The following LOC128462377 variants were observed in gnomAD, a reference collection of about 807,000 sequenced individuals.
At chr16:89,325,796 C>G in the LOC128462377 span, among the ~76,000 whole-genome samples, 1 of 152,202 alleles carries the variant, frequency 6.6e-6, no homozygotes, top group East Asian at 1.9e-4. Flanking sequence ...TGCAAGGCCT[C>G]AGAGGTGTCA....
At chr16:89,376,693 C>T in the LOC128462377 span, among the ~76,000 whole-genome samples, 2 of 152,328 alleles carry the variant, frequency 1.3e-5, no homozygotes, top group African/African-American at 4.8e-5. Flanking sequence ...CCCACCTTGG[C>T]CTCCCTAAGT....
At chr16:89,393,298 T>A in the LOC128462377 span, among the ~76,000 whole-genome samples, 5 of 151,720 alleles carry the variant, frequency 3.3e-5, no homozygotes, top group African/African-American at 1.2e-4. Flanking sequence ...CTCTTTTTTT[T>A]ACTTTTTTTA....
the LOC128462377 span, among the ~76,000 whole-genome samples, chr16:89,337,340 C>A: frequency 6.6e-6 from 1 of 150,766 alleles, no homozygotes; most frequent in African/African-American, 2.4e-5. Context: ...CAGCTGAGCA[C>A]TGGGTCTCAT....
chr16:89,349,561 T>A, the LOC128462377 span, among the ~76,000 whole-genome samples: 6 of 152,216 alleles, frequency 3.9e-5, 1 homozygote. Context: ...GGCAAAATAA[T>A]CTTTTCCACA....
chr16:89,324,332 C>A, the LOC128462377 span: 270 of 1,199,336 alleles, frequency 2.3e-4, no homozygotes, highest in Non-Finnish European at 2.8e-4. Context: ...GTCGGGGCGA[C>A]GTGGGTGCCT....
chr16:89,397,739 A>G, the LOC128462377 span, among the ~76,000 whole-genome samples: 12 of 152,360 alleles, frequency 7.9e-5, no homozygotes, highest in Non-Finnish European at 1.2e-4. Context: ...ATGATGCAGA[A>G]GCCTCTCCTC....
chr16:89,320,129 T>G, the LOC128462377 span: 1 of 152,366 alleles, frequency 6.6e-6, no homozygotes, highest in East Asian at 1.9e-4. Flanking sequence ...GCTGTGATGA[T>G]GTCCCCAGGC....
chr16:89,323,429 C>A, the LOC128462377 span: 2 of 935,352 alleles, frequency 2.1e-6, no homozygotes, highest in Admixed American at 2.5e-5. Flanking sequence ...GAGCCGAGGG[C>A]AGGGGGGCTG....
the LOC128462377 span, among the ~76,000 whole-genome samples, chr16:89,326,819 C>A: frequency 6.6e-6 from 1 of 152,232 alleles, no homozygotes; most frequent in Non-Finnish European, 1.5e-5. Flanking sequence ...TGCCCCAAAG[C>A]ATCTCCTAAG....
At chr16:89,377,131 G>A in the LOC128462377 span, among the ~76,000 whole-genome samples, 1 of 152,184 alleles carries the variant, frequency 6.6e-6, no homozygotes, top group African/African-American at 2.4e-5. Context: ...CCAGAACCCC[G>A]TGAGTTCAAC....
the LOC128462377 span, chr16:89,324,200 G>A: frequency 1.0e-5 from 12 of 1,178,124 alleles, no homozygotes; most frequent in South Asian, 4.8e-5. Flanking sequence ...CACCGAGAGC[G>A]CGTTCAGCAT....
the LOC128462377 span, among the ~76,000 whole-genome samples, chr16:89,348,013 A>T: frequency 3.3e-5 from 5 of 151,710 alleles, no homozygotes; most frequent in African/African-American, 1.2e-4. Flanking sequence ...GGCTCACTGC[A>T]GCCTCTACCT....
chr16:89,408,906 C>T, the LOC128462377 span, among the ~76,000 whole-genome samples: 1 of 152,178 alleles, frequency 6.6e-6, no homozygotes, highest in East Asian at 1.9e-4. Flanking sequence ...CTCTCACAGA[C>T]CTTAGGAGTT....
the LOC128462377 span, among the ~76,000 whole-genome samples, chr16:89,332,048 A>T: frequency 6.6e-6 from 1 of 152,246 alleles, no homozygotes; most frequent in East Asian, 1.9e-4. Context: ...GAACTTTGGG[A>T]GGCTGAGGTG....
chr16:89,377,408 G>A, the LOC128462377 span, among the ~76,000 whole-genome samples: 1 of 152,082 alleles, frequency 6.6e-6, no homozygotes, highest in Admixed American at 6.5e-5. Context: ...TGGAGGTTGT[G>A]TGTGATTCCA....
the LOC128462377 span, among the ~76,000 whole-genome samples, chr16:89,342,197 A>T: frequency 6.6e-6 from 1 of 152,256 alleles, no homozygotes; most frequent in Admixed American, 6.5e-5. Context: ...ACTGACAGGT[A>T]GGTCTCCACC....
At chr16:89,333,694 C>T in the LOC128462377 span, among the ~76,000 whole-genome samples, 615 of 152,280 alleles carry the variant, frequency 4.0e-3, 5 homozygotes, top group African/African-American at 0.014. Context: ...AATAGTCTGT[C>T]GTCTGGATGG....
chr16:89,388,229 G>A, the LOC128462377 span, among the ~76,000 whole-genome samples: 5 of 149,474 alleles, frequency 3.3e-5, no homozygotes, highest in Admixed American at 2.7e-4. Flanking sequence ...TGACTCCGAC[G>A]CAATCACCCT....
the LOC128462377 span, among the ~76,000 whole-genome samples, chr16:89,370,404 T>A: frequency 6.6e-6 from 1 of 152,108 alleles, no homozygotes; most frequent in African/African-American, 2.4e-5. Context: ...CCAGTTAGGA[T>A]CCTACAGGAT....
Sources: allele counts gnomAD v4.1 joint callset (sites outside exome capture counted in the v4.1 genomes callset), GRCh38; gene constraint gnomAD v4.1.1; transcripts MANE v1.5.